The following MTA3 variants were observed in gnomAD, a reference collection of about 807,000 sequenced individuals.
MTA3 encodes metastasis associated 1 family member 3, also known as metastasis-associated protein MTA3.
A neutral mutation model predicts 83.5 loss-of-function variants in MTA3; 34 were observed. The observed-to-expected ratio is 0.41, with a 90% CI of 0.31 to 0.54. The LOEUF (loss-of-function observed/expected upper bound fraction) is 0.54. Among genes scored for constraint, MTA3 ranks in the 20% least tolerant of loss-of-function variants. The pLI is 0.33. For synonymous variants in MTA3, 303 were observed against 252.7 expected, an observed-to-expected ratio of 1.20 and a Z score of -1.89; for missense variants, 761 against 726.4, an observed-to-expected ratio of 1.05 and a Z score of -0.55.
chr2:42,741,935 G>A (rs1032979145), intron 16 of MTA3, among the ~76,000 whole-genome samples: 13 of 152,214 alleles, frequency 8.5e-5, no homozygotes, highest in South Asian at 8.3e-4. Flanking sequence ...ATGCAGAGTT[G>A]CCAACAAAGC....
At chr2:42,576,713 T>C (rs1033004246) in intron 2 of MTA3, among the ~76,000 whole-genome samples, 1 of 151,566 alleles carries the variant, frequency 6.6e-6, no homozygotes, top group Admixed American at 6.6e-5. Flanking sequence ...GCCTGGCCAA[T>C]GTGGTGAAAC....
At chr2:42,617,120 G>T (rs1053135414) in intron 4 of MTA3, among the ~76,000 whole-genome samples, 3 of 152,250 alleles carry the variant, frequency 2.0e-5, no homozygotes, top group East Asian at 1.9e-4. Flanking sequence ...AATAGGAAAG[G>T]TTCTAGCCTA....
intron 16 of MTA3, among the ~76,000 whole-genome samples, chr2:42,748,237 GTGTGTT>G (rs1669596277): frequency 6.6e-6 from 1 of 150,612 alleles, no homozygotes; most frequent in South Asian, 2.1e-4. Flanking sequence ...GTGTGTGTGT[GTGTGTT>G]TTAGTAGAGA....
chr2:42,630,602 A>C (rs1277975452), intron 4 of MTA3, among the ~76,000 whole-genome samples: 1 of 152,130 alleles, frequency 6.6e-6, no homozygotes, highest in African/African-American at 2.4e-5. Context: ...GATCTGCCTC[A>C]TTCTTTTTTA....
intron 16 of MTA3, among the ~76,000 whole-genome samples, chr2:42,750,087 G>A (rs1669757297): frequency 6.6e-6 from 1 of 152,074 alleles, no homozygotes; most frequent in Admixed American, 6.6e-5. Flanking sequence ...CGCCTCCTGG[G>A]TTCAAGCGAT....
At chr2:42,531,445 CTTTTTTTTTT>C (rs10659582) in intron 2 of MTA3, among the ~76,000 whole-genome samples, 6 of 75,342 alleles carry the variant, frequency 8.0e-5, no homozygotes, top group Non-Finnish European at 1.4e-4. Flanking sequence ...GAAGCAAACT[CTTTTTTTTTT>C]TTTTTTTTTT....
chr2:42,725,118 T>C (rs1262309945), intron 16 of MTA3, among the ~76,000 whole-genome samples: 2 of 152,254 alleles, frequency 1.3e-5, no homozygotes, highest in African/African-American at 4.8e-5. Flanking sequence ...ACTCCTTTAC[T>C]GAGTTCTCTC....
At chr2:42,659,994 T>C in intron 8 of MTA3, 132 bp downstream of exon 8, 1 of 476,774 alleles carries the variant, frequency 2.1e-6, no homozygotes, top group Non-Finnish European at 3.6e-6. Flanking sequence ...TTGATTTGGC[T>C]TGGTTACTTG....
intron 2 of MTA3, among the ~76,000 whole-genome samples, chr2:42,521,081 G>A (rs1449536653): frequency 1.3e-5 from 2 of 152,206 alleles, no homozygotes; most frequent in East Asian, 3.8e-4. Context: ...AGTGGGGATT[G>A]GACCTAGTGG....
At chr2:42,632,893 T>C (rs1686820317) in intron 4 of MTA3, among the ~76,000 whole-genome samples, 1 of 152,088 alleles carries the variant, frequency 6.6e-6, no homozygotes, top group Admixed American at 6.6e-5. Flanking sequence ...GTAACAGATC[T>C]TCTATTCAAA....
intron 16 of MTA3, among the ~76,000 whole-genome samples, chr2:42,730,421 A>C (rs1445099082): frequency 1.3e-5 from 2 of 152,160 alleles, no homozygotes. Context: ...GATTTTTATC[A>C]TGAGGGGATG....
At chr2:42,621,277 A>G (rs1054062934) in intron 4 of MTA3, among the ~76,000 whole-genome samples, 4 of 152,318 alleles carry the variant, frequency 2.6e-5, no homozygotes, top group Admixed American at 6.5e-5. Context: ...AGGACCCTGC[A>G]GCCTTCTGCA....
intron 4 of MTA3, among the ~76,000 whole-genome samples, chr2:42,639,187 A>G (rs924630080): frequency 4.0e-5 from 6 of 151,496 alleles, no homozygotes; most frequent in Middle Eastern, 3.4e-3. Flanking sequence ...CAGCCCCCTG[A>G]GTAGCTGGGA....
At chr2:42,703,272 C>T (rs2028341) in intron 11 of MTA3, 99,408 of 152,096 alleles carry the variant, frequency 0.65, 33,294 homozygotes, top group African/African-American at 0.81. Flanking sequence ...AATACCTTTA[C>T]TGGTTTTTAA....
chr2:42,505,162 G>T (rs1674575723), intron 2 of MTA3, among the ~76,000 whole-genome samples: 1 of 152,152 alleles, frequency 6.6e-6, no homozygotes, highest in African/African-American at 2.4e-5. Context: ...GGGAGGCTGA[G>T]GTGGGTGGAT....
chr2:42,609,072 C>T (rs1396667856), intron 3 of MTA3, among the ~76,000 whole-genome samples: 3 of 141,618 alleles, frequency 2.1e-5, no homozygotes, highest in African/African-American at 8.0e-5. Flanking sequence ...TGCTCTTTCA[C>T]TCAGGCTGGT....
At chr2:42,732,597 C>T (rs1411683861) in intron 16 of MTA3, among the ~76,000 whole-genome samples, 1 of 152,192 alleles carries the variant, frequency 6.6e-6, no homozygotes, top group Non-Finnish European at 1.5e-5. Flanking sequence ...TAACATTAGG[C>T]TTCTTGCTAC....
chr2:42,527,804 A>G (rs1031940335), intron 2 of MTA3, among the ~76,000 whole-genome samples: 2 of 151,688 alleles, frequency 1.3e-5, no homozygotes, highest in East Asian at 1.9e-4. Flanking sequence ...AGCCTGGTCA[A>G]TATAATAGGA....
intron 8 of MTA3, among the ~76,000 whole-genome samples, chr2:42,678,737 A>G (rs1250589093): frequency 6.6e-6 from 1 of 152,214 alleles, no homozygotes; most frequent in Admixed American, 6.5e-5. Flanking sequence ...GAACAAATTC[A>G]TAATCTATAC....
Sources: gnomAD v4.1 joint callset for allele counts (sites outside exome capture counted in the v4.1 genomes callset) on GRCh38, gnomAD v4.1.1 for gene constraint, MANE v1.5 for transcripts, NCBI Gene and HGNC (gene_info 2026-07-23, HGNC 2026-07-21) for gene names.